Variants in TLR4 observed in about 807,000 individuals in gnomAD.
The protein encoded by TLR4 is toll like receptor 4.
Under a neutral mutation model 27.4 loss-of-function variants are expected in TLR4, and 17 were observed. That is an observed-to-expected ratio of 0.62 (90% CI 0.42 to 0.93). The LOEUF (loss-of-function observed/expected upper bound fraction) is 0.93. TLR4 is among the 40% of genes least tolerant of loss of function. The pLI is 0.00. For missense variants in TLR4, 926 were observed against 962.3 expected (o/e 0.96, Z 0.50); for synonymous variants, 363 against 365.7 (o/e 0.99, Z 0.08).
Position 117,723,177 on chromosome 9 carries a change from T to C in TLR4, c.*8529T>C, listed in dbSNP as rs1829441322. The C allele has an allele frequency of 6.6e-6, 1 of 152,222 alleles. No individual in the cohort carries two copies. Among genetic ancestry groups the C allele is most frequent in the Non-Finnish European group, 1.5e-5 (1 of 68,044 alleles). The allele number at this position is 152,222 out of a possible 1,614,324, so 9.4% of individuals were successfully genotyped here. On this transcript the variant is annotated 3_prime_UTR_variant, in exon 3 of 3. Coordinates refer to ENST00000355622, the MANE Select transcript of TLR4 (RefSeq NM_138554.5). ...TGTCCATTCCAGGAATTCTATTCTA[T>C]GATTAGAGGTGTAACTTCATCATCC... is the stretch of plus-strand genomic sequence containing the variant.
At position 117,713,444 on chromosome 9, in the gene TLR4, A is replaced by G; in HGVS notation, c.1316A>G (p.Glu439Gly). Residue 439 changes from glutamate to glycine, a missense_variant, in exon 3 of 3, where the codon GAG becomes GGG. Glu to Gly is a moderately conservative substitution (Grantham distance 98). Transcript: ENST00000355622. ...CATTCCAATTTGAAACAAATGAGTG[A>G]GTTTTCAGTATTCCTATCACTCAGA... ...FQHSNLKQMS[E>G]FSVFLSLRNL... 1 of 1,614,094 alleles carries G rather than the reference A, an allele frequency of 6.2e-7. No individual in the cohort carries two copies. Among genetic ancestry groups the G allele is most frequent in the Non-Finnish European group, 8.5e-7 (1 of 1,179,994 alleles).
At position 117,724,619 on chromosome 9, in the gene TLR4, G is replaced by C. The variant is rs1829457988; in HGVS notation, c.*9971G>C. 1 of 152,066 alleles carries C rather than the reference G, an allele frequency of 6.6e-6. No individual in the cohort carries two copies. The highest frequency in any genetic ancestry group is 6.6e-5 in the Admixed American group (1 of 15,254). 9.4% of individuals were successfully genotyped at this position (152,066 alleles called of 1,614,324 possible). On this transcript the variant is annotated 3_prime_UTR_variant, in exon 3 of 3. Coordinates refer to ENST00000355622, the MANE Select transcript of TLR4 (RefSeq NM_138554.5). ...TCAGACAGATCTGTGTTCTGATCCT[G>C]TCTTATGGTATCTGTCTTGTTTGTC...
chr9:117,716,927 C>T lies in TLR4; in HGVS notation c.*2279C>T, dbSNP rs1368223194. The T allele has an allele frequency of 6.6e-6, 1 of 152,158 alleles. No homozygotes were observed. Among genetic ancestry groups the T allele is most frequent in the Non-Finnish European group, 1.5e-5 (1 of 68,014 alleles). The allele number at this position is 152,158 out of a possible 1,614,324, so 9.4% of individuals were successfully genotyped here. Reference sequence around the variant, plus strand: ...AGACAACAAAATTCAGTTGTCAAAACTGGAAATATGACCACAGTCAGAAGT... The same window carrying T: ...AGACAACAAAATTCAGTTGTCAAAATTGGAAATATGACCACAGTCAGAAGT... On this transcript the variant is annotated 3_prime_UTR_variant, in exon 3 of 3. Transcript: ENST00000355622.
intron 2 of TLR4, among the ~76,000 whole-genome samples, chr9:117,710,180 T>G (rs945387318): frequency 5.3e-5 from 8 of 152,128 alleles, no homozygotes; most frequent in African/African-American, 1.7e-4. Flanking sequence ...GTGAGCATAG[T>G]ACCCAATAGT....
At chr9:117,710,618 G>A (rs1387729678) in intron 2 of TLR4, among the ~76,000 whole-genome samples, 2 of 151,970 alleles carry the variant, frequency 1.3e-5, no homozygotes, top group Non-Finnish European at 2.9e-5. Context: ...TTCTGAATTA[G>A]GGCAAGCACA....
At chr9:117,711,161 C>G (rs1829224388) in intron 2 of TLR4, among the ~76,000 whole-genome samples, 1 of 152,190 alleles carries the variant, frequency 6.6e-6, no homozygotes, top group African/African-American at 2.4e-5. Context: ...CTTTTGTCCA[C>G]TCTTCCAGCG....
intron 1 of TLR4, among the ~76,000 whole-genome samples, chr9:117,705,063 T>C (rs1272382417): frequency 6.6e-6 from 1 of 152,000 alleles, no homozygotes; most frequent in Non-Finnish European, 1.5e-5. Context: ...GTCAGACTTC[T>C]GTATGCAGTA....
intron 1 of TLR4, 152 bp from the exon 2 acceptor site, chr9:117,708,411 T>C (rs1372215126): frequency 2.6e-6 from 4 of 1,521,214 alleles, no homozygotes; most frequent in African/African-American, 1.4e-5. Flanking sequence ...GATGGATGGA[T>C]ATATGGATGG....
At chr9:117,709,412 C>A (rs555275966) in intron 2 of TLR4, among the ~76,000 whole-genome samples, 12 of 151,902 alleles carry the variant, frequency 7.9e-5, no homozygotes, top group Non-Finnish European at 1.5e-4. Flanking sequence ...AGACAAGTAA[C>A]CCAAGGAGAA....
Position 117,714,121 on chromosome 9 carries a change from A to G in TLR4, c.1993A>G (p.Ile665Val), listed in dbSNP as rs199499000. ...YFHLMLLAGC[I>V]KYGRGENIYD... The stretch of plus-strand genomic sequence containing the variant: ...TCACCTGATGCTTCTTGCTGGCTGC[A>G]TAAAGTATGGTAGAGGTGAAAACAT... The change falls in exon 3 of 3, where the codon ATA (isoleucine) becomes GTA (valine). Residue 665 changes from isoleucine to valine, a missense_variant. Physicochemically the swap from Ile to Val is conservative, Grantham distance 29 (BLOSUM62 3). Transcript: ENST00000355622. The G allele has an allele frequency of 9.9e-6, 16 of 1,613,978 alleles. No homozygotes were observed. The highest frequency in any genetic ancestry group is 9.3e-6 in the Non-Finnish European group (11 of 1,180,016).
rs1197596713 is a variant in TLR4, at chr9:117,716,182, A to T, written c.*1534A>T. 1 of 152,206 alleles carries T rather than the reference A, an allele frequency of 6.6e-6. No individual in the cohort carries two copies. The highest frequency in any genetic ancestry group is 1.5e-5 in the Non-Finnish European group (1 of 68,042). 9.4% of individuals were successfully genotyped at this position (152,206 alleles called of 1,614,324 possible). On this transcript the variant is annotated 3_prime_UTR_variant, in exon 3 of 3. Coordinates refer to ENST00000355622, the MANE Select transcript of TLR4 (RefSeq NM_138554.5). ...CAAAAATTAAAAATAGAACTGCTAT[A>T]TGATCCAGCAATCTCACTTCTGTAT...
Position 117,704,406 on chromosome 9 carries a change from C to G in TLR4, c.-67C>G, listed in dbSNP as rs199637098. On this transcript the variant is annotated 5_prime_UTR_variant, in exon 1 of 3. Transcript: ENST00000355622. The stretch of plus-strand genomic sequence containing the variant: ...GTGCCTCAGAAACTGCTCGGTCAGA[C>G]GGTGATAGCGAGCCACGCATTCACA... 7 of 1,465,374 alleles carry G rather than the reference C, an allele frequency of 4.8e-6. No homozygotes were observed. The highest frequency in any genetic ancestry group is 1.4e-5 in the African/African-American group (1 of 72,090). 90.8% of individuals were successfully genotyped at this position (1,465,374 alleles called of 1,614,324 possible).
Position 117,713,114 on chromosome 9 carries a change from A to G in TLR4, c.986A>G (p.Asn329Ser), listed in dbSNP as rs5030715. Residue 329 changes from asparagine to serine, a missense_variant, in exon 3 of 3, where the codon AAT becomes AGT. Coordinates refer to ENST00000355622, the MANE Select transcript of TLR4 (RefSeq NM_138554.5). ...GAAAGGGTAAAAGACTTTTCTTATA[A>G]TTTCGGATGGCAACATTTAGAATTA... ...TIERVKDFSY[N>S]FGWQHLELVN... 17 of 1,612,066 alleles carry G rather than the reference A, an allele frequency of 1.1e-5. No homozygotes were observed. The highest frequency in any genetic ancestry group is 1.4e-5 in the Non-Finnish European group (17 of 1,178,792).
At chr9:117,710,437 T>C (rs1243144537) in intron 2 of TLR4, among the ~76,000 whole-genome samples, 1 of 151,734 alleles carries the variant, frequency 6.6e-6, no homozygotes, top group Non-Finnish European at 1.5e-5. Flanking sequence ...TCTATTAAGG[T>C]AGACCACCTC....
chr9:117,711,424 C>A (rs1829229231), intron 2 of TLR4, among the ~76,000 whole-genome samples: 1 of 152,214 alleles, frequency 6.6e-6, no homozygotes, highest in Non-Finnish European at 1.5e-5. Context: ...GTCTCTAGGA[C>A]ATGTCTCTGA....
In TLR4 at chr9:117,713,131, T is replaced by A. The variant is rs773429738; in HGVS notation, c.1003T>A (p.Leu335Ile). 1 of 1,612,784 alleles carries A rather than the reference T, an allele frequency of 6.2e-7. No homozygotes were observed. The highest frequency in any genetic ancestry group is 1.7e-4 in the Middle Eastern group (1 of 6,058). Reference sequence around the variant, plus strand: ...TTCTTATAATTTCGGATGGCAACATTTAGAATTAGTTAACTGTAAATTTGG... The same window carrying A: ...TTCTTATAATTTCGGATGGCAACATATAGAATTAGTTAACTGTAAATTTGG... ...DFSYNFGWQH[L>I]ELVNCKFGQF... Residue 335 changes from leucine to isoleucine, a missense_variant, in exon 3 of 3, where the codon TTA (leucine) becomes ATA (isoleucine). Physicochemically the swap from Leu to Ile is conservative, Grantham distance 5. Transcript: ENST00000355622.
At position 117,723,120 on chromosome 9, in the gene TLR4, C is replaced by G. The variant is rs552365426; in HGVS notation, c.*8472C>G. 1.9e-4 allele frequency: 29 copies of G among 152,150 alleles called. No individual in the cohort carries two copies. Among genetic ancestry groups the G allele is most frequent in the Non-Finnish European group, 3.7e-4 (25 of 68,028 alleles). The allele number at this position is 152,150 out of a possible 1,614,324, so 9.4% of individuals were successfully genotyped here. A position where few individuals can be genotyped will look rare whatever the true frequency, so the allele number is the denominator to read the frequency against. ...CATGTTCACATCTCCAGGGCTGTTT[C>G]CTTACCTATAAATTGTGGCAATTGG... On this transcript the variant is annotated 3_prime_UTR_variant, in exon 3 of 3. Transcript: ENST00000355622.
intron 2 of TLR4, among the ~76,000 whole-genome samples, chr9:117,711,718 G>A (rs1032803474): frequency 1.7e-4 from 26 of 152,058 alleles, no homozygotes; most frequent in African/African-American, 5.8e-4. Flanking sequence ...TGTTCTCAGA[G>A]AAACCTACTT....
Position 117,719,057 on chromosome 9 carries a change from T to A in TLR4, c.*4409T>A, listed in dbSNP as rs1442569221. 1 of 152,078 alleles carries A rather than the reference T, an allele frequency of 6.6e-6. No homozygotes were observed. The highest frequency in any genetic ancestry group is 1.5e-5 in the Non-Finnish European group (1 of 68,034). 9.4% of individuals were successfully genotyped at this position (152,078 alleles called of 1,614,324 possible). A position where few individuals can be genotyped will look rare whatever the true frequency, so the allele number is the denominator to read the frequency against. On this transcript the variant is annotated 3_prime_UTR_variant, in exon 3 of 3. Coordinates refer to ENST00000355622, the MANE Select transcript of TLR4 (RefSeq NM_138554.5). ...GTGAAAACCAAAGTCTAAGCCAGTG[T>A]CTCCATTTACTTGTGTGATTGTGGG...
Sources: gnomAD v4.1 joint callset for allele counts (sites outside exome capture counted in the v4.1 genomes callset) on GRCh38, gnomAD v4.1.1 for gene constraint, MANE v1.5 for transcripts, NCBI Gene and HGNC (gene_info 2026-07-23, HGNC 2026-07-21) for gene names.